CFAP263: variants seen among roughly 807,000 people sequenced by gnomAD.
CFAP263 encodes cilia- and flagella-associated protein 263.
At chr16:58,256,316 G>A in the CFAP263 span, among the ~76,000 whole-genome samples, 1 of 152,198 alleles carries the variant, frequency 6.6e-6, no homozygotes, top group East Asian at 1.9e-4. Context: ...TGAGCATCAA[G>A]TGCAGAGATC....
At chr16:58,264,425 G>GTA in the CFAP263 span, among the ~76,000 whole-genome samples, 3 of 152,236 alleles carry the variant, frequency 2.0e-5, no homozygotes, top group Admixed American at 2.0e-4. Context: ...ATTGCTTGCA[G>GTA]TATCCGAGAT....
chr16:58,262,327 C>T, the CFAP263 span: 6 of 1,493,622 alleles, frequency 4.0e-6, 1 homozygote, highest in South Asian at 7.4e-5. Context: ...AGATGTGAGC[C>T]ATACATTCAG....
At chr16:58,252,788 G>A in the CFAP263 span, 243 of 1,613,528 alleles carry the variant, frequency 1.5e-4, 1 homozygote, top group South Asian at 2.4e-3. Context: ...CGCTAAACTG[G>A]AGCCCAGGGA....
the CFAP263 span, chr16:58,262,323 G>A: frequency 6.8e-7 from 1 of 1,474,518 alleles, no homozygotes; most frequent in Non-Finnish European, 9.3e-7. Context: ...TGCAAGATGT[G>A]AGCCATACAT....
At chr16:58,250,197 T>C in the CFAP263 span, 2 of 768,622 alleles carry the variant, frequency 2.6e-6, no homozygotes, top group Non-Finnish European at 4.2e-6. Flanking sequence ...GGGACCAGCA[T>C]GGAGAAGATC....
the CFAP263 span, among the ~76,000 whole-genome samples, chr16:58,266,409 T>G: frequency 3.9e-5 from 1 of 25,622 alleles, no homozygotes; most frequent in Admixed American, 4.7e-4. Flanking sequence ...ATATATATTT[T>G]TTTTTTTTTT....
At chr16:58,269,350 A>C in the CFAP263 span, among the ~76,000 whole-genome samples, 64 of 144,826 alleles carry the variant, frequency 4.4e-4, no homozygotes, top group African/African-American at 1.6e-3. Context: ...CAAAACAAAA[A>C]AAACTACTTA....
chr16:58,266,220 C>A, the CFAP263 span, among the ~76,000 whole-genome samples: 1 of 151,680 alleles, frequency 6.6e-6, no homozygotes, highest in Non-Finnish European at 1.5e-5. Flanking sequence ...TTGCCCCCTC[C>A]TCCTGCCTTC....
At chr16:58,272,054 G>A in the CFAP263 span, among the ~76,000 whole-genome samples, 2,362 of 145,332 alleles carry the variant, frequency 0.016, 46 homozygotes, top group African/African-American at 0.038. Flanking sequence ...TCACTCTGTC[G>A]CCCAGGCTGG....
At chr16:58,254,063 C>A in the CFAP263 span, 1 of 1,614,154 alleles carries the variant, frequency 6.2e-7, no homozygotes. Context: ...TGACTGCCGA[C>A]CAAAAACTTG....
the CFAP263 span, among the ~76,000 whole-genome samples, chr16:58,269,223 C>T: frequency 6.6e-6 from 1 of 151,934 alleles, no homozygotes; most frequent in East Asian, 1.9e-4. Flanking sequence ...CCCATCTACT[C>T]GGGAGGCTGA....
chr16:58,250,974 A>G, the CFAP263 span, among the ~76,000 whole-genome samples: 6 of 152,186 alleles, frequency 3.9e-5, no homozygotes, highest in African/African-American at 1.4e-4. Flanking sequence ...ATAGCAAGTA[A>G]ATTGGATATA....
the CFAP263 span, among the ~76,000 whole-genome samples, chr16:58,266,403 ATATTTTTTTTTTTT>A: frequency 3.3e-3 from 96 of 29,446 alleles, no homozygotes; most frequent in Admixed American, 4.8e-3. Flanking sequence ...ATATATATAT[ATATTTTTTTTTTTT>A]TTTTTTTTTT....
chr16:58,250,398 G>A, the CFAP263 span: 1 of 330,480 alleles, frequency 3.0e-6, no homozygotes, highest in Non-Finnish European at 5.6e-6. Flanking sequence ...GCCAGACGGT[G>A]TGCTTAGCCG....
the CFAP263 span, chr16:58,279,574 C>T: frequency 7.5e-6 from 6 of 803,898 alleles, no homozygotes; most frequent in Non-Finnish European, 1.2e-5. Context: ...TTGCCTGCAC[C>T]ATCACGGGGC....
chr16:58,280,172 T>C, the CFAP263 span: 5 of 1,522,750 alleles, frequency 3.3e-6, no homozygotes, highest in African/African-American at 6.9e-5. Flanking sequence ...GGTGAATGCC[T>C]GGCACTCAGC....
At chr16:58,278,488 G>GCCAAAGCC in the CFAP263 span, 4 of 1,613,886 alleles carry the variant, frequency 2.5e-6, no homozygotes, top group Non-Finnish European at 3.4e-6. Context: ...CCAGGACCGG[G>GCCAAAGCC]CCAAAGCCGA....
chr16:58,252,895 C>T, the CFAP263 span: 1 of 1,600,912 alleles, frequency 6.2e-7, no homozygotes, highest in Non-Finnish European at 8.6e-7. Flanking sequence ...TTGTTTGTCA[C>T]CTTAAATGCA....
the CFAP263 span, among the ~76,000 whole-genome samples, chr16:58,265,327 T>G: frequency 6.6e-6 from 1 of 152,194 alleles, no homozygotes; most frequent in South Asian, 2.1e-4. Flanking sequence ...ACGAGTCCTT[T>G]GAAAGAACAG....
Sources: gnomAD v4.1 joint callset for allele counts (sites outside exome capture counted in the v4.1 genomes callset) on GRCh38, gnomAD v4.1.1 for gene constraint, MANE v1.5 for transcripts, NCBI Gene and HGNC (gene_info 2026-07-23, HGNC 2026-07-21) for gene names.